Variants in PPM1K observed in about 807,000 individuals in gnomAD.
PPM1K encodes protein phosphatase Mn(2+)-dependent 1K.
Under a neutral mutation model 32.6 loss-of-function variants are expected in PPM1K, and 19 were observed. That is an observed-to-expected ratio of 0.58 (90% confidence interval 0.41 to 0.86). The LOEUF (loss-of-function observed/expected upper bound fraction) is 0.86. Among genes scored for constraint, PPM1K ranks in the 40% least tolerant of loss-of-function variants. The pLI, the probability that PPM1K is intolerant of heterozygous loss-of-function variation, is 0.00. For synonymous variants in PPM1K, 159 were observed against 165.3 expected, an observed-to-expected ratio of 0.96 and a Z score of 0.29; for missense variants, 362 against 461.2, an observed-to-expected ratio of 0.78 and a Z score of 1.97.
Position 88,277,029 on chromosome 4 carries a change from C to T in PPM1K, c.541+114G>A, listed in dbSNP as rs1209746096. On this transcript the variant is annotated intron_variant, in intron 3 of 6. Coordinates refer to ENST00000608933, the MANE Select transcript of PPM1K (RefSeq NM_152542.5). ...AAACTCATTTCTACATAAATCCTTA[C>T]AAACAATTGTCCATTAAAATCCCCT... 8.3e-6 allele frequency: 7 copies of T among 838,946 alleles called. No homozygotes were observed. In the African/African-American group the frequency reaches 8.6e-5, roughly 10 times the overall value. 52.0% of individuals were successfully genotyped at this position (838,946 alleles called of 1,614,324 possible).
intron 2 of PPM1K, chr4:88,277,913 C>T (rs754447348): frequency 5.1e-5 from 29 of 570,152 alleles, no homozygotes; most frequent in Non-Finnish European, 7.5e-5. Context: ...AAATTAAGTG[C>T]TATAGATTTT....
At chr4:88,279,836 T>G (rs569955832) in intron 1 of PPM1K, 1 of 152,336 alleles carries the variant, frequency 6.6e-6, no homozygotes, top group African/African-American at 2.4e-5. Context: ...GGTCTACAGA[T>G]AGTATATTAT....
chr4:88,276,710 G>A, intron 3 of PPM1K: 2 of 972,686 alleles, frequency 2.1e-6, no homozygotes, highest in Non-Finnish European at 2.4e-6. Flanking sequence ...TTTCTTGTTG[G>A]ACAATGACTG....
At chr4:88,269,884 G>A (rs1421270860) in intron 3 of PPM1K, among the ~76,000 whole-genome samples, 1 of 152,222 alleles carries the variant, frequency 6.6e-6, no homozygotes, top group African/African-American at 2.4e-5. Context: ...AACAGTGTCT[G>A]CCCTAAGTTC....
chr4:88,280,901 G>C (rs1216250068), intron 1 of PPM1K, among the ~76,000 whole-genome samples: 1 of 152,154 alleles, frequency 6.6e-6, no homozygotes, highest in Non-Finnish European at 1.5e-5. Flanking sequence ...TCCATTGCAA[G>C]AGATGTTTGT....
chr4:88,280,830 T>A (rs1231145572), intron 1 of PPM1K, among the ~76,000 whole-genome samples: 1 of 152,068 alleles, frequency 6.6e-6, no homozygotes, highest in African/African-American at 2.4e-5. Context: ...GCCTGAGCAA[T>A]GGAGCAAGAC....
At chr4:88,264,063 A>G (rs148666036) in intron 6 of PPM1K, among the ~76,000 whole-genome samples, 1 of 152,362 alleles carries the variant, frequency 6.6e-6, no homozygotes, top group East Asian at 1.9e-4. Flanking sequence ...TATCTGCAAG[A>G]CAGGCAGCTG....
chr4:88,258,662 G>A lies in PPM1K; in HGVS notation c.*3933C>T, dbSNP rs754676216. 6.6e-6 allele frequency: 1 copy of A among 151,870 alleles called. No individual in the cohort carries two copies. Among genetic ancestry groups the A allele is most frequent in the Non-Finnish European group, 1.5e-5 (1 of 67,972 alleles). 9.4% of individuals were successfully genotyped at this position (151,870 alleles called of 1,614,324 possible). A position where few individuals can be genotyped will look rare whatever the true frequency, so the allele number is the denominator to read the frequency against. ...AAAAATTCCATCTTTTAGATTATGTGCTAATAATTCTCTTTTAAGTGTTGG... is the reference window on the plus strand; with the variant it reads ...AAAAATTCCATCTTTTAGATTATGTACTAATAATTCTCTTTTAAGTGTTGG... On this transcript the variant is annotated 3_prime_UTR_variant, in exon 7 of 7. Transcript: ENST00000608933.
rs182056743 is a variant in PPM1K at position 88,268,988 on chromosome 4, C to T, written c.542-82G>A. The T allele has an allele frequency of 1.6e-5, 19 of 1,203,368 alleles. No individual in the cohort carries two copies. The Admixed American group carries it at 3.0e-4, about 19-fold the overall frequency. 74.5% of individuals were successfully genotyped at this position (1,203,368 alleles called of 1,614,324 possible). A position where few individuals can be genotyped will look rare whatever the true frequency, so the allele number is the denominator to read the frequency against. On this transcript the variant is annotated intron_variant, in intron 3 of 6. Transcript: ENST00000608933. ...GGAATTTTTATTACAAAATAAAACACAAGCATGATAAACTAATGCTGGAAT... is the reference window on the plus strand; with the variant it reads ...GGAATTTTTATTACAAAATAAAACATAAGCATGATAAACTAATGCTGGAAT...
intron 3 of PPM1K, among the ~76,000 whole-genome samples, chr4:88,273,917 G>T (rs1404225801): frequency 6.6e-6 from 1 of 152,166 alleles, no homozygotes; most frequent in South Asian, 2.1e-4. Context: ...TGGCACATCT[G>T]GTCCAACCAA....
intron 3 of PPM1K, chr4:88,276,363 C>T: frequency 2.0e-6 from 2 of 985,322 alleles, no homozygotes; most frequent in Non-Finnish European, 2.4e-6. Context: ...TACATGCACA[C>T]ATTCATTTGG....
intron 2 of PPM1K, 148 bp downstream of exon 2, chr4:88,277,996 G>GCA: frequency 1.5e-6 from 1 of 656,256 alleles, no homozygotes; most frequent in Non-Finnish European, 2.6e-6. Flanking sequence ...GTAATAAATG[G>GCA]CACACTTAAA....
At chr4:88,281,581 C>T (rs1453753020) in intron 1 of PPM1K, among the ~76,000 whole-genome samples, 1 of 152,116 alleles carries the variant, frequency 6.6e-6, no homozygotes, top group African/African-American at 2.4e-5. Flanking sequence ...TAGGAAACCA[C>T]CTACTTTAAG....
At chr4:88,281,507 A>G (rs1403382265) in intron 1 of PPM1K, among the ~76,000 whole-genome samples, 1 of 152,186 alleles carries the variant, frequency 6.6e-6, no homozygotes, top group Non-Finnish European at 1.5e-5. Flanking sequence ...TTTAAAATCA[A>G]TCATCAACCT....
At chr4:88,271,131 A>C in intron 3 of PPM1K, 1 of 518,406 alleles carries the variant, frequency 1.9e-6, no homozygotes. Context: ...TTTCCACTGA[A>C]GCCCCGCATA....
rs895344515 is a variant in PPM1K at position 88,271,757 on chromosome 4, T to G, written c.542-2851A>C. On this transcript the variant is annotated intron_variant, in intron 3 of 6. Transcript: ENST00000608933. ...TGTAAACTACAGTATACCACCAAATTACTGGGACTTAAATATATATCAAGA... is the reference window on the plus strand; with the variant it reads ...TGTAAACTACAGTATACCACCAAATGACTGGGACTTAAATATATATCAAGA... Among the ~76,000 whole-genome samples, 4 of 152,138 alleles carry G rather than the reference T, an allele frequency of 2.6e-5. No homozygotes were observed. The East Asian group carries it at 7.7e-4, about 29-fold the overall frequency.
chr4:88,270,348 C>T lies in PPM1K; in HGVS notation c.542-1442G>A, dbSNP rs554413811. Among the ~76,000 whole-genome samples the T allele has an allele frequency of 1.3e-3, 194 of 152,316 alleles. 1 individual carries two copies. Among genetic ancestry groups the T allele is most frequent in the Middle Eastern group, 3.4e-3 (1 of 294 alleles). ...TTGAGAAATAACATTTATAGTTGCA[C>T]TATCTTTCCATTTTTCTCTTGATTT... On this transcript the variant is annotated intron_variant, in intron 3 of 6. Transcript: ENST00000608933.
At position 88,258,945 on chromosome 4, in the gene PPM1K, GGCA is replaced by G. The variant is rs1731014526; in HGVS notation, c.*3647_*3649del. ...ACTAAAAATACAAAAAAATTAGCCG[GGCA>G]CGGTGGCGGACGCCTGTAATTCCAG... On this transcript the variant is annotated 3_prime_UTR_variant, in exon 7 of 7. Coordinates refer to ENST00000608933, the MANE Select transcript of PPM1K (RefSeq NM_152542.5). The G allele has an allele frequency of 6.6e-6, 1 of 151,972 alleles. No homozygotes were observed. Among genetic ancestry groups the G allele is most frequent in the Non-Finnish European group, 1.5e-5 (1 of 68,066 alleles). The allele number at this position is 151,972 out of a possible 1,614,324, so 9.4% of individuals were successfully genotyped here. A position where few individuals can be genotyped will look rare whatever the true frequency, so the allele number is the denominator to read the frequency against.
In PPM1K at chr4:88,268,854, A is replaced by G; in HGVS notation, c.594T>C (p.Gly198=). The change falls in exon 4 of 7, where the codon GGT becomes GGC. Residue 198 remains glycine (G), a synonymous_variant. Transcript: ENST00000608933. Reference sequence around the variant, plus strand: ...CAACACTGGCTACAACCAGTTCAATACCATCTCGCAATAGGGCTACTGTTG... The same window carrying G: ...CAACACTGGCTACAACCAGTTCAATGCCATCTCGCAATAGGGCTACTGTTG... ...TTATVALLRD[G]IELVVASVGD... 5 of 1,613,982 alleles carry G rather than the reference A, an allele frequency of 3.1e-6. No homozygotes were observed. Among genetic ancestry groups the G allele is most frequent in the Non-Finnish European group, 4.2e-6 (5 of 1,179,926 alleles).
Sources: gnomAD v4.1 joint callset for allele counts (sites outside exome capture counted in the v4.1 genomes callset) on GRCh38, gnomAD v4.1.1 for gene constraint, MANE v1.5 for transcripts, NCBI Gene and HGNC (gene_info 2026-07-23, HGNC 2026-07-21) for gene names.